Variants in COLGALT2 observed in about 807,000 individuals in gnomAD.
COLGALT2 encodes procollagen galactosyltransferase 2.
Under a neutral mutation model 73.4 loss-of-function variants are expected in COLGALT2, and 49 were observed. The ratio of observed to expected loss-of-function variants is 0.67; its 90% confidence interval spans 0.53 to 0.85. The LOEUF (loss-of-function observed/expected upper bound fraction) is 0.85. COLGALT2 is among the 40% of genes least tolerant of loss of function. The pLI, the probability that COLGALT2 is intolerant of heterozygous loss-of-function variation, is 0.00. For missense variants in COLGALT2, 722 were observed against 790.2 expected (o/e 0.91, Z 1.03); for synonymous variants, 295 against 307.6 (o/e 0.96, Z 0.43).
intron 5 of COLGALT2, among the ~76,000 whole-genome samples, chr1:183,965,930 T>C (rs571428643): frequency 9.3e-4 from 141 of 152,306 alleles, no homozygotes; most frequent in African/African-American, 3.3e-3. Flanking sequence ...TGTGTTTGCA[T>C]GCAGAGGGCA....
At chr1:183,986,354 A>G (rs1044103598) in intron 1 of COLGALT2, among the ~76,000 whole-genome samples, 1 of 152,204 alleles carries the variant, frequency 6.6e-6, no homozygotes, top group African/African-American at 2.4e-5. Flanking sequence ...CTCATGAAAA[A>G]TTCCTCACCA....
intron 4 of COLGALT2, among the ~76,000 whole-genome samples, chr1:183,972,583 AC>A (rs34542848): frequency 0.17 from 26,225 of 152,130 alleles, 2,326 homozygotes; most frequent in Admixed American, 0.23. Context: ...AAAAAATCAA[AC>A]CTTTTTTAAC....
At chr1:184,018,627 C>T (rs573512865) in intron 1 of COLGALT2, among the ~76,000 whole-genome samples, 27 of 152,182 alleles carry the variant, frequency 1.8e-4, no homozygotes, top group African/African-American at 5.5e-4. Flanking sequence ...TCAGACTATA[C>T]AAATTCTTTT....
chr1:183,944,525 C>T (rs774421060), intron 9 of COLGALT2, among the ~76,000 whole-genome samples: 3 of 152,128 alleles, frequency 2.0e-5, no homozygotes, highest in Non-Finnish European at 2.9e-5. Context: ...TTAAACGCAA[C>T]GTTATAGGTG....
At chr1:183,961,867 T>C (rs1022234226) in intron 6 of COLGALT2, among the ~76,000 whole-genome samples, 6 of 152,180 alleles carry the variant, frequency 3.9e-5, no homozygotes, top group Non-Finnish European at 8.8e-5. Flanking sequence ...AAAGTATGTA[T>C]TAAAGAAATT....
At chr1:183,949,116 C>T (rs541028393) in intron 8 of COLGALT2, among the ~76,000 whole-genome samples, 48 of 152,244 alleles carry the variant, frequency 3.2e-4, no homozygotes, top group Middle Eastern at 3.4e-3. Flanking sequence ...TCCATGATTA[C>T]GAATCAGAAG....
intron 1 of COLGALT2, among the ~76,000 whole-genome samples, chr1:184,015,102 A>T (rs889134092): frequency 1.3e-5 from 2 of 152,026 alleles, no homozygotes; most frequent in Non-Finnish European, 2.9e-5. Context: ...TGGGTAAAAA[A>T]AAAAAGATGC....
In COLGALT2 at chr1:184,037,301, G is replaced by A; in HGVS notation, c.57C>T (p.Ala19=). ...LAWSLLLLSS[A]LLREGCRARF... The stretch of plus-strand genomic sequence containing the variant: ...GCGCTCGGCAGCCTTCGCGGAGCAG[G>A]GCTGAGGAGAGGAGCAGTAGCGACC... Residue 19 remains alanine (A), a synonymous_variant, in exon 1 of 12, where the codon GCC becomes GCT. Transcript: ENST00000361927. 1 of 1,536,682 alleles carries A rather than the reference G, an allele frequency of 6.5e-7. No homozygotes were observed. Among genetic ancestry groups the A allele is most frequent in the Non-Finnish European group, 8.7e-7 (1 of 1,143,098 alleles).
At chr1:184,004,864 G>A (rs969044041) in intron 1 of COLGALT2, among the ~76,000 whole-genome samples, 5 of 152,186 alleles carry the variant, frequency 3.3e-5, no homozygotes, top group Admixed American at 6.5e-5. Flanking sequence ...GGGAGTCACA[G>A]AGAGATCCTT....
chr1:183,982,699 G>C (rs114689264), intron 1 of COLGALT2, among the ~76,000 whole-genome samples: 3 of 152,192 alleles, frequency 2.0e-5, no homozygotes, highest in African/African-American at 7.2e-5. Context: ...GACTGAGGCA[G>C]GAGGATCACT....
rs568004544 is a variant in COLGALT2 at position 183,964,033 on chromosome 1, G to C, written c.833-13C>G. The C allele has an allele frequency of 3.1e-6, 5 of 1,612,562 alleles. No individual in the cohort carries two copies. The South Asian group carries it at 3.3e-5, about 11-fold the overall frequency. On this transcript the variant is annotated splice_polypyrimidine_tract_variant and intron_variant, in intron 5 of 11. Transcript: ENST00000361927. ...TACATCTGGATGCCTGAGGATCCAA[G>C]AGAGGGACAAAGCCAACAATCAGAA...
At chr1:183,945,286 G>A (rs1670218638) in intron 9 of COLGALT2, 146 bp downstream of exon 9, 1 of 974,878 alleles carries the variant, frequency 1.0e-6, no homozygotes, top group Non-Finnish European at 1.5e-6. Context: ...TCTTGGGTCA[G>A]AGGGAGACAC....
chr1:183,970,181 A>G (rs1670997447), intron 4 of COLGALT2, among the ~76,000 whole-genome samples: 1 of 152,230 alleles, frequency 6.6e-6, no homozygotes, highest in African/African-American at 2.4e-5. Context: ...TTGGGGATTC[A>G]GCTTCTGAAA....
intron 1 of COLGALT2, among the ~76,000 whole-genome samples, chr1:183,996,368 G>A (rs1435615825): frequency 3.3e-5 from 5 of 152,298 alleles, no homozygotes; most frequent in South Asian, 4.1e-4. Flanking sequence ...AAGACAAGGC[G>A]ATTTAAAGGT....
intron 1 of COLGALT2, among the ~76,000 whole-genome samples, chr1:183,983,421 T>C: frequency 6.6e-6 from 1 of 152,218 alleles, no homozygotes; most frequent in East Asian, 1.9e-4. Context: ...TACTGCCTTG[T>C]AATCGCTCTG....
At chr1:184,034,538 A>C (rs1649613364) in intron 1 of COLGALT2, among the ~76,000 whole-genome samples, 1 of 152,036 alleles carries the variant, frequency 6.6e-6, no homozygotes, top group Admixed American at 6.5e-5. Context: ...TCTGTAAAAA[A>C]ACACACATAT....
intron 9 of COLGALT2, among the ~76,000 whole-genome samples, 192 bp from the exon 10 acceptor site, chr1:183,944,515 T>A (rs553495072): frequency 6.6e-6 from 1 of 152,290 alleles, no homozygotes; most frequent in African/African-American, 2.4e-5. Context: ...ATGATCACAA[T>A]TAAACGCAAC....
chr1:184,019,755 A>G (rs906634130), intron 1 of COLGALT2, among the ~76,000 whole-genome samples: 3 of 152,194 alleles, frequency 2.0e-5, no homozygotes, highest in African/African-American at 7.2e-5. Context: ...TGTGACGTCA[A>G]CCAAGGAAAC....
chr1:183,950,909 C>G, intron 8 of COLGALT2, 98 bp downstream of exon 8: 1 of 847,734 alleles, frequency 1.2e-6, no homozygotes, highest in South Asian at 1.6e-5. Flanking sequence ...CTCTAATGAC[C>G]GAAGAGACTT....
Sources: allele counts gnomAD v4.1 joint callset (sites outside exome capture counted in the v4.1 genomes callset), GRCh38; gene constraint gnomAD v4.1.1; transcripts MANE v1.5; gene names NCBI Gene and HGNC (gene_info 2026-07-23, HGNC 2026-07-21).